The following ASXL3 variants were observed in gnomAD, a reference collection of about 807,000 sequenced individuals.
The protein encoded by ASXL3 is putative Polycomb group protein ASXL3.
In ASXL3, 34 loss-of-function variants were observed where a neutral mutation model predicts 170.6. The observed-to-expected ratio is 0.20, with a 90% confidence interval of 0.15 to 0.27. ASXL3 has a LOEUF of 0.27. ASXL3 is among the 10% of genes least tolerant of loss of function. The probability of loss-of-function intolerance (pLI) is 1.00; values close to 1 mark genes in which losing one functional copy is unlikely to be tolerated. For missense variants in ASXL3, 2,592 were observed against 2,695.3 expected (o/e 0.96, Z 0.85); for synonymous variants, 1,002 against 989.1 (o/e 1.01, Z -0.24).
chr18:33,618,933 A>ACCTTT (rs1262711596), intron 2 of ASXL3, among the ~76,000 whole-genome samples: 1 of 152,188 alleles, frequency 6.6e-6, no homozygotes, highest in Non-Finnish European at 1.5e-5. Flanking sequence ...TTCTTGGCAT[A>ACCTTT]GTGCTGAAAT....
At position 33,629,788 on chromosome 18, in the gene ASXL3, T is replaced by C. The variant is rs1446311845; in HGVS notation, c.138-15106T>C. 2.6e-5 allele frequency among the ~76,000 whole-genome samples: 4 copies of C among 152,168 alleles called. No individual in the cohort carries two copies. In the South Asian group the frequency reaches 6.2e-4, roughly 24 times the overall value. On this transcript the variant is annotated intron_variant, in intron 2 of 11. Transcript: ENST00000269197. ...CGCACGTTTTTTCCTAAGGAAGATA[T>C]TTCTGTAAAACAAAAGTAATACTTA...
chr18:33,636,047 A>G (rs1283967277), intron 2 of ASXL3, among the ~76,000 whole-genome samples: 1 of 152,150 alleles, frequency 6.6e-6, no homozygotes, highest in African/African-American at 2.4e-5. Context: ...ACCATGAGAG[A>G]TATGCAAAGT....
intron 2 of ASXL3, among the ~76,000 whole-genome samples, chr18:33,643,877 A>G (rs1270716625): frequency 6.6e-6 from 1 of 151,840 alleles, no homozygotes; most frequent in African/African-American, 2.4e-5. Flanking sequence ...GAAGCATGTG[A>G]GTGTAGTGGG....
intron 1 of ASXL3, 24 bp downstream of exon 1, chr18:33,578,709 G>C (rs2064967025): frequency 1.7e-6 from 2 of 1,211,574 alleles, no homozygotes; most frequent in Non-Finnish European, 2.1e-6. Flanking sequence ...CCCACACGCC[G>C]CCCGCGCCTC....
At chr18:33,633,751 A>G (rs1203961363) in intron 2 of ASXL3, among the ~76,000 whole-genome samples, 2 of 150,676 alleles carry the variant, frequency 1.3e-5, no homozygotes, top group Non-Finnish European at 3.0e-5. Flanking sequence ...AGGCTGAGGC[A>G]GGGGAATCAC....
chr18:33,734,044 T>TGCTTTAGCATTCTTCTTAAGCATTTA (rs2067500540), intron 9 of ASXL3, among the ~76,000 whole-genome samples: 1 of 84,932 alleles, frequency 1.2e-5, no homozygotes, highest in South Asian at 4.3e-4. Flanking sequence ...ATTTGCTAAA[T>TGCTTTAGCATTCTTCTTAAGCATTTA]GCTTTAGCAT....
At chr18:33,725,503 A>G (rs1276265126) in intron 8 of ASXL3, among the ~76,000 whole-genome samples, 1 of 152,142 alleles carries the variant, frequency 6.6e-6, no homozygotes, top group Non-Finnish European at 1.5e-5. Context: ...AGTATTCCTC[A>G]GGACTCTGCT....
At chr18:33,706,855 A>G (rs2066968117) in intron 8 of ASXL3, among the ~76,000 whole-genome samples, 1 of 151,846 alleles carries the variant, frequency 6.6e-6, no homozygotes, top group African/African-American at 2.4e-5. Context: ...ATTTGTCTTA[A>G]TATATTGTCT....
chr18:33,638,365 T>G (rs1473848844), intron 2 of ASXL3, among the ~76,000 whole-genome samples: 7 of 152,076 alleles, frequency 4.6e-5, no homozygotes, highest in Non-Finnish European at 5.9e-5. Flanking sequence ...GCCTGGCCTC[T>G]ATCATATTTT....
intron 2 of ASXL3, among the ~76,000 whole-genome samples, chr18:33,616,955 A>G (rs537177111): frequency 3.3e-5 from 5 of 152,272 alleles, no homozygotes; most frequent in South Asian, 2.1e-4. Flanking sequence ...TAAGGTTTCA[A>G]TGTATGAATT....
At chr18:33,654,237 A>G (rs775624110) in intron 4 of ASXL3, among the ~76,000 whole-genome samples, 44 of 152,232 alleles carry the variant, frequency 2.9e-4, no homozygotes, top group Admixed American at 1.2e-3. Context: ...ATATGATCTC[A>G]TAATAAAACA....
chr18:33,671,737 C>T lies in ASXL3; in HGVS notation c.596-10C>T. The T allele has an allele frequency of 6.3e-7, 1 of 1,592,266 alleles. No individual in the cohort carries two copies. Among genetic ancestry groups the T allele is most frequent in the South Asian group, 1.2e-5 (1 of 86,470 alleles). On this transcript the variant is annotated splice_polypyrimidine_tract_variant and intron_variant, in intron 6 of 11. Transcript: ENST00000269197. ...GAAGATAATGACATAATAACTATTT[C>T]CTTTTTTAGGATCTGAATCTAAAAA...
chr18:33,627,910 G>T (rs1217581241), intron 2 of ASXL3, among the ~76,000 whole-genome samples: 1 of 152,082 alleles, frequency 6.6e-6, no homozygotes. Flanking sequence ...TGAAAAGCTT[G>T]CTGAGTGTTG....
At chr18:33,661,845 TC>T (rs1277509110) in intron 5 of ASXL3, 108 bp downstream of exon 5, 2 of 1,249,518 alleles carry the variant, frequency 1.6e-6, no homozygotes, top group Non-Finnish European at 1.1e-6. Context: ...AGCAGAATCT[TC>T]CTGAATTCAA....
chr18:33,674,737 A>T (rs1421070970), intron 7 of ASXL3, among the ~76,000 whole-genome samples: 1 of 151,274 alleles, frequency 6.6e-6, no homozygotes, highest in East Asian at 2.0e-4. Context: ...TGCTGCCTCA[A>T]CCCCCCGAGT....
At chr18:33,705,611 C>T (rs114464883) in intron 8 of ASXL3, among the ~76,000 whole-genome samples, 6 of 151,620 alleles carry the variant, frequency 4.0e-5, no homozygotes, top group Admixed American at 1.3e-4. Context: ...TTTCCCTGTC[C>T]GTTTCTGATA....
chr18:33,745,336 A>G lies in ASXL3; in HGVS notation c.5488A>G (p.Arg1830Gly). 2 of 1,613,948 alleles carry G rather than the reference A, an allele frequency of 1.2e-6. No homozygotes were observed. The highest frequency in any genetic ancestry group is 1.7e-6 in the Non-Finnish European group (2 of 1,179,880). ...MRKRENHPKK[R>G]VARTVGEHTQ... ...AAAGCGAGAAAACCACCCCAAAAAGAGAGTAGCTAGGACTGTAGGAGAACA... is the reference window on the plus strand; with the variant it reads ...AAAGCGAGAAAACCACCCCAAAAAGGGAGTAGCTAGGACTGTAGGAGAACA... Residue 1830 changes from arginine (R) to glycine (G), a missense_variant, in exon 12 of 12, where the codon AGA becomes GGA. By Grantham distance (125) the Arg-to-Gly change is moderately radical. Transcript: ENST00000269197.
At chr18:33,653,862 C>G (rs930070511) in intron 4 of ASXL3, among the ~76,000 whole-genome samples, 1 of 149,186 alleles carries the variant, frequency 6.7e-6, no homozygotes, top group African/African-American at 2.5e-5. Context: ...CTAATTTGCT[C>G]CTTTTTTTTT....
At chr18:33,724,672 A>G (rs2067317962) in intron 8 of ASXL3, among the ~76,000 whole-genome samples, 1 of 152,190 alleles carries the variant, frequency 6.6e-6, no homozygotes, top group Non-Finnish European at 1.5e-5. Context: ...ATTTTAGCAT[A>G]TTAGATAATA....
Sources: gnomAD v4.1 joint callset for allele counts (sites outside exome capture counted in the v4.1 genomes callset) on GRCh38, gnomAD v4.1.1 for gene constraint, MANE v1.5 for transcripts, NCBI Gene and HGNC (gene_info 2026-07-23, HGNC 2026-07-21) for gene names.